PDLIM7: variants seen among roughly 807,000 people sequenced by gnomAD.
PDLIM7 encodes PDZ and LIM domain protein 7.
A neutral mutation model predicts 53.9 loss-of-function variants in PDLIM7; 37 were observed. That is an observed-to-expected ratio of 0.69 (90% CI 0.53 to 0.90). The LOEUF is 0.90. Ranked by LOEUF, PDLIM7 falls within the 40% of genes least tolerant of loss-of-function variation. The pLI, the probability that PDLIM7 is intolerant of heterozygous loss-of-function variation, is 0.00. For missense variants in PDLIM7, 617 were observed against 638.5 expected, an observed-to-expected ratio of 0.97 and a Z score of 0.36; for synonymous variants, 300 against 261.3, an observed-to-expected ratio of 1.15 and a Z score of -1.43.
At chr5:177,488,357 A>C (rs1385211414) in intron 9 of PDLIM7, 109 bp from the exon 10 acceptor site, 11 of 833,858 alleles carry the variant, frequency 1.3e-5, no homozygotes, top group Non-Finnish European at 2.0e-5. Flanking sequence ...GGGACAGTTC[A>C]TTCTCCCCAT....
chr5:177,491,487 G>C lies in PDLIM7; in HGVS notation c.398+320C>G, dbSNP rs1297172479. 3 of 1,292,988 alleles carry C rather than the reference G, an allele frequency of 2.3e-6. No individual in the cohort carries two copies. In the East Asian group the frequency reaches 7.5e-5, roughly 33 times the overall value. 80.1% of individuals were successfully genotyped at this position (1,292,988 alleles called of 1,614,324 possible). ...GGGACAGACACAGGAGAGGAAGAAA[G>C]ACGGGGAGGGGTCAGAACAGCCGGG... is the stretch of plus-strand genomic sequence containing the variant. On this transcript the variant is annotated intron_variant, in intron 5 of 12. Transcript: ENST00000355841.
chr5:177,494,006 G>A (rs1388602013), intron 2 of PDLIM7, among the ~76,000 whole-genome samples: 1 of 152,180 alleles, frequency 6.6e-6, no homozygotes, highest in Admixed American at 6.5e-5. Flanking sequence ...GGCTCAACAT[G>A]ACCTCTTGCT....
At chr5:177,490,788 G>A in intron 7 of PDLIM7, 82 bp downstream of exon 7, 1 of 1,471,778 alleles carries the variant, frequency 6.8e-7, no homozygotes, top group African/African-American at 1.4e-5. Context: ...GCCCCAGCTG[G>A]GAGCCTCAGG....
chr5:177,488,098 G>C lies in PDLIM7; in HGVS notation c.1020C>G (p.Ser340Arg). 1 of 1,608,962 alleles carries C rather than the reference G, an allele frequency of 6.2e-7. No homozygotes were observed. Among genetic ancestry groups the C allele is most frequent in the South Asian group, 1.1e-5 (1 of 90,650 alleles). The change falls in exon 10 of 13, where the codon AGC (serine) becomes AGG (arginine). Residue 340 changes from serine to arginine, a missense_variant. Physicochemically the swap from Ser to Arg is moderately radical, Grantham distance 110. Coordinates refer to ENST00000355841, the MANE Select transcript of PDLIM7 (RefSeq NM_005451.5). ...PPCYDVRYAPSCAKCKKKITG... is the reference protein window; with the variant it reads ...PPCYDVRYAPRCAKCKKKITG... ...TAATCTTCTTCTTGCACTTGGCACA[G>C]CTGGGTGCATAGCGCACGTCATAGC... is the stretch of plus-strand genomic sequence containing the variant.
At chr5:177,484,519 G>C (rs1434039381) in intron 10 of PDLIM7, 4 of 280,732 alleles carry the variant, frequency 1.4e-5, no homozygotes, top group African/African-American at 8.8e-5. Flanking sequence ...CCCACACCAG[G>C]TCCACCAGGA....
At position 177,489,422 on chromosome 5, in the gene PDLIM7, G is replaced by A. The variant is rs763042834; in HGVS notation, c.840C>T (p.Pro280=). Residue 280 remains proline, a synonymous_variant, in exon 9 of 13, where the codon CCC becomes CCT. Transcript: ENST00000355841. Reference sequence around the variant, plus strand: ...TGACCTTGTGGCACTGGTGACACACGGGAGTCTTGCCGTTGTTGCTGCCCC... The same window carrying A: ...TGACCTTGTGGCACTGGTGACACACAGGAGTCTTGCCGTTGTTGCTGCCCC... ...PGGGSNNGKT[P]VCHQCHKVIR... 1.1e-5 allele frequency: 17 copies of A among 1,597,232 alleles called. No homozygotes were observed. The highest frequency in any genetic ancestry group is 1.3e-5 in the African/African-American group (1 of 74,822).
chr5:177,496,272 G>A (rs1012828319), intron 2 of PDLIM7, 145 bp downstream of exon 2: 1 of 563,656 alleles, frequency 1.8e-6, no homozygotes, highest in Non-Finnish European at 3.0e-6. Flanking sequence ...CTTGTGGCAG[G>A]CAGGTACCAC....
At chr5:177,493,305 G>A (rs536790597) in intron 2 of PDLIM7, among the ~76,000 whole-genome samples, 2 of 152,302 alleles carry the variant, frequency 1.3e-5, no homozygotes, top group South Asian at 2.1e-4. Context: ...TGACAGCTGG[G>A]ACTTCGTAGG....
chr5:177,490,720 A>AGGAG (rs1554106261), intron 7 of PDLIM7, 150 bp downstream of exon 7: 9 of 166,552 alleles, frequency 5.4e-5, no homozygotes, highest in African/African-American at 4.8e-4. Context: ...AAGGGAAGGA[A>AGGAG]GGAAGGAAGG....
At chr5:177,497,261 C>A (rs1007540374) in intron 1 of PDLIM7, among the ~76,000 whole-genome samples, 1 of 152,126 alleles carries the variant, frequency 6.6e-6, no homozygotes, top group Non-Finnish European at 1.5e-5. Flanking sequence ...ACTGCTCCCA[C>A]ACCGACGTGA....
intron 10 of PDLIM7, 23 bp downstream of exon 10, chr5:177,488,045 C>G: frequency 1.3e-6 from 2 of 1,559,218 alleles, no homozygotes; most frequent in Non-Finnish European, 1.7e-6. Context: ...GGGACCACCT[C>G]CCCGCCAGCC....
chr5:177,486,634 T>C (rs999781557), intron 10 of PDLIM7, among the ~76,000 whole-genome samples: 2 of 152,012 alleles, frequency 1.3e-5, no homozygotes, highest in African/African-American at 2.4e-5. Flanking sequence ...GGAGGCAGAT[T>C]TCTCTTTCTT....
At chr5:177,490,609 A>G (rs995991152) in intron 7 of PDLIM7, 4 of 1,436,150 alleles carry the variant, frequency 2.8e-6, no homozygotes, top group Non-Finnish European at 3.8e-6. Flanking sequence ...GGGCAGAGAG[A>G]GAGGGAGGAA....
intron 4 of PDLIM7, 105 bp downstream of exon 4, chr5:177,492,299 CT>C (rs1322643946): frequency 1.2e-5 from 18 of 1,442,002 alleles, no homozygotes; most frequent in Non-Finnish European, 1.6e-5. Flanking sequence ...CTGCCCTCCA[CT>C]CCCGGCCAGG....
Position 177,491,132 on chromosome 5 carries a change from G to C in PDLIM7, c.413C>G (p.Pro138Arg). ...CTGCTTGCTGGCATCTGGGACCAGC[G>C]GTCGGAGCGGCTGTCTGTGGGGAGG... is the stretch of plus-strand genomic sequence containing the variant. ...APQQNGQPLR[P>R]LVPDASKQRL... The change falls in exon 6 of 13, where the codon CCG (proline) becomes CGG (arginine). Residue 138 changes from proline to arginine, a missense_variant. By Grantham distance (103) the Pro-to-Arg change is moderately radical. Coordinates refer to ENST00000355841, the MANE Select transcript of PDLIM7 (RefSeq NM_005451.5). 1.2e-6 allele frequency: 2 copies of C among 1,609,750 alleles called. No homozygotes were observed. The highest frequency in any genetic ancestry group is 1.7e-6 in the Non-Finnish European group (2 of 1,178,002).
Position 177,491,807 on chromosome 5 carries a change from C to T in PDLIM7, c.398G>A (p.Gly133Glu). The stretch of plus-strand genomic sequence containing the variant: ...CGCGGGCGGGCAGGGGCCGACGTAC[C>T]CATTCTGCTGCGGGGCGCTGTCAGC... ...PPADSAPQQN[G>E]QPLRPLVPDA... The change falls in exon 5 of 13, where the codon GGA becomes GAA. Residue 133 changes from glycine to glutamate, a missense_variant and splice_region_variant. Gly to Glu is a moderately conservative substitution (Grantham distance 98, BLOSUM62 -2). Coordinates refer to ENST00000355841, the MANE Select transcript of PDLIM7 (RefSeq NM_005451.5). 1.6e-6 allele frequency: 2 copies of T among 1,270,184 alleles called. No homozygotes were observed. The highest frequency in any genetic ancestry group is 1.0e-6 in the Non-Finnish European group (1 of 997,802). The allele number at this position is 1,270,184 out of a possible 1,614,324, so 78.7% of individuals were successfully genotyped here.
rs148057305 is a variant in PDLIM7, at chr5:177,491,141, G to A, written c.404C>T (p.Pro135Leu). 78 of 1,606,932 alleles carry A rather than the reference G, an allele frequency of 4.9e-5. No homozygotes were observed. The highest frequency in any genetic ancestry group is 4.5e-4 in the African/African-American group (34 of 74,926). The change falls in exon 6 of 13, where the codon CCG becomes CTG. Residue 135 changes from proline (P) to leucine (L), a missense_variant. Pro to Leu is a moderately conservative substitution (Grantham distance 98). Transcript: ENST00000355841. ...GGCATCTGGGACCAGCGGTCGGAGCGGCTGTCTGTGGGGAGGGTGTGGCTC... is the reference window on the plus strand; with the variant it reads ...GGCATCTGGGACCAGCGGTCGGAGCAGCTGTCTGTGGGGAGGGTGTGGCTC... ...ADSAPQQNGQ[P>L]LRPLVPDASK...
At chr5:177,495,292 G>A (rs962977331) in intron 2 of PDLIM7, among the ~76,000 whole-genome samples, 1 of 151,970 alleles carries the variant, frequency 6.6e-6, no homozygotes, top group East Asian at 1.9e-4. Flanking sequence ...TAACCCCCAC[G>A]CCCAGCTCCT....
chr5:177,488,583 A>T (rs927169157), intron 9 of PDLIM7, among the ~76,000 whole-genome samples: 22 of 152,138 alleles, frequency 1.4e-4, no homozygotes, highest in Middle Eastern at 3.2e-3. Context: ...TGCCTGTTCT[A>T]CCTGGCAAGA....
Sources: gnomAD v4.1 joint callset for allele counts (sites outside exome capture counted in the v4.1 genomes callset) on GRCh38, gnomAD v4.1.1 for gene constraint, MANE v1.5 for transcripts, NCBI Gene and HGNC (gene_info 2026-07-23, HGNC 2026-07-21) for gene names.